Variants in PDE6B observed in about 807,000 individuals in gnomAD.
PDE6B encodes rod cGMP-specific 3',5'-cyclic phosphodiesterase subunit beta.
Under a neutral mutation model 109.0 loss-of-function variants are expected in PDE6B, and 106 were observed. The observed-to-expected ratio is 0.97, with a 90% CI of 0.83 to 1.14. The LOEUF is 1.14. PDE6B is among the 50% of genes most tolerant of loss of function. The pLI, the probability that PDE6B is intolerant of heterozygous loss-of-function variation, is 0.00. For synonymous variants in PDE6B, 490 were observed against 471.3 expected (o/e 1.04, Z -0.51); for missense variants, 1,193 against 1,155.6 (o/e 1.03, Z -0.47).
In PDE6B at chr4:662,565, C is replaced by A. The variant is rs769147926; in HGVS notation, c.1779C>A (p.Ala593=). 7.4e-6 allele frequency: 12 copies of A among 1,613,094 alleles called. No individual in the cohort carries two copies. The highest frequency in any genetic ancestry group is 1.3e-5 in the African/African-American group (1 of 75,064). Residue 593 remains alanine (A), a synonymous_variant, in exon 14 of 22, where the codon GCC becomes GCA. Transcript: ENST00000496514. The surrounding 1 kb of genome is among the most constrained non-coding windows in gnomAD (Gnocchi z 4.3). Reference sequence around the variant, plus strand: ...TGGAGGCCTTCGCCATGGTGACAGCCGGCCTGTGCCATGACATCGACCACC... The same window carrying A: ...TGGAGGCCTTCGCCATGGTGACAGCAGGCCTGTGCCATGACATCGACCACC... ...TDLEAFAMVT[A]GLCHDIDHRG...
chr4:645,249 C>T (rs1048362333), intron 3 of PDE6B, among the ~76,000 whole-genome samples: 10 of 150,936 alleles, frequency 6.6e-5, no homozygotes, highest in East Asian at 1.9e-4. Flanking sequence ...TCTTTTTATC[C>T]GCTCTGAAAA....
chr4:628,391 G>A (rs1734223085), intron 1 of PDE6B, among the ~76,000 whole-genome samples: 1 of 152,168 alleles, frequency 6.6e-6, no homozygotes, highest in Admixed American at 6.5e-5. Context: ...CTCAGACGGG[G>A]CGTGGGTGGC....
chr4:654,451 C>A, intron 5 of PDE6B: 1 of 609,342 alleles, frequency 1.6e-6, no homozygotes, highest in Non-Finnish European at 3.0e-6. Context: ...CTCCTGTGCA[C>A]GTGTAGGATG....
chr4:626,623 C>G lies in PDE6B; in HGVS notation c.468+529C>G, dbSNP rs753530079. On this transcript the variant is annotated intron_variant, in intron 1 of 21. Transcript: ENST00000496514. This position sits in a 1 kb window ranked among gnomAD's most constrained non-coding sequence, Gnocchi z 4.6. Reference sequence around the variant, plus strand: ...CAGAAGCAGCTTTATCCCATGGGAGCCCACGCCAGCCGCCAGGGGAGAACA... The same window carrying G: ...CAGAAGCAGCTTTATCCCATGGGAGGCCACGCCAGCCGCCAGGGGAGAACA... Among the ~76,000 whole-genome samples, 10 of 152,328 alleles carry G rather than the reference C, an allele frequency of 6.6e-5. No individual in the cohort carries two copies. The South Asian group carries it at 1.9e-3, about 28-fold the overall frequency.
Position 668,017 on chromosome 4 carries a change from G to A in PDE6B, c.2503+11G>A, listed in dbSNP as rs149346690. 1 of 1,609,736 alleles carries A rather than the reference G, an allele frequency of 6.2e-7. No individual in the cohort carries two copies. Among genetic ancestry groups the A allele is most frequent in the Non-Finnish European group, 8.5e-7 (1 of 1,178,542 alleles). ...TGGCAGCCAAGAAAGGTCTGGCTCTGTGTGGCCTGTGGGGCAGGGACTCGG... is the reference window on the plus strand; with the variant it reads ...TGGCAGCCAAGAAAGGTCTGGCTCTATGTGGCCTGTGGGGCAGGGACTCGG... On this transcript the variant is annotated intron_variant, in intron 21 of 21. Coordinates refer to ENST00000496514, the MANE Select transcript of PDE6B (RefSeq NM_000283.4).
rs1292526019 is a variant in PDE6B, at chr4:633,164, G to A, written c.469-1513G>A. Among the ~76,000 whole-genome samples, 2 of 151,854 alleles carry A rather than the reference G, an allele frequency of 1.3e-5. No homozygotes were observed. The highest frequency in any genetic ancestry group is 2.4e-5 in the African/African-American group (1 of 41,296). On this transcript the variant is annotated intron_variant, in intron 1 of 21. Transcript: ENST00000496514. The surrounding 1 kb of genome is among the most constrained non-coding windows in gnomAD (Gnocchi z 4.5). Reference sequence around the variant, plus strand: ...GACACAGGTGCAGAGATGAGCCCTCGGGGGACGCAGGTGCAGAGATGAGCC... The same window carrying A: ...GACACAGGTGCAGAGATGAGCCCTCAGGGGACGCAGGTGCAGAGATGAGCC...
At chr4:641,493 G>A (rs1734940949) in intron 3 of PDE6B, among the ~76,000 whole-genome samples, 1 of 152,212 alleles carries the variant, frequency 6.6e-6, no homozygotes, top group South Asian at 2.1e-4. Flanking sequence ...TGTCCAGGGG[G>A]CTCACCAAGT....
intron 3 of PDE6B, among the ~76,000 whole-genome samples, chr4:642,149 A>C (rs930381126): frequency 7.9e-5 from 12 of 152,156 alleles, no homozygotes; most frequent in Admixed American, 2.6e-4. Context: ...CAATCTTAGG[A>C]GAAAGCATCC....
At chr4:631,662 G>A (rs776724262) in intron 1 of PDE6B, among the ~76,000 whole-genome samples, 4 of 151,932 alleles carry the variant, frequency 2.6e-5, no homozygotes, top group African/African-American at 7.3e-5. Context: ...ATCACGTTGC[G>A]TGGATCCATG....
chr4:628,387 C>T (rs922365093), intron 1 of PDE6B, among the ~76,000 whole-genome samples: 7 of 152,194 alleles, frequency 4.6e-5, no homozygotes, highest in Admixed American at 2.6e-4. Flanking sequence ...GTCCCTCAGA[C>T]GGGGCGTGGG....
At chr4:644,305 T>C (rs1735096016) in intron 3 of PDE6B, among the ~76,000 whole-genome samples, 1 of 152,010 alleles carries the variant, frequency 6.6e-6, no homozygotes, top group Non-Finnish European at 1.5e-5. Context: ...TTTTCAGCTA[T>C]ATTTCTGTTA....
chr4:648,274 G>A lies in PDE6B; in HGVS notation c.712-5578G>A, dbSNP rs1437847361. Among the ~76,000 whole-genome samples, 3 of 152,024 alleles carry A rather than the reference G, an allele frequency of 2.0e-5. No homozygotes were observed. Among genetic ancestry groups the A allele is most frequent in the Admixed American group, 6.5e-5 (1 of 15,274 alleles). On this transcript the variant is annotated intron_variant, in intron 3 of 21. Transcript: ENST00000496514. The surrounding 1 kb of genome is among the most constrained non-coding windows in gnomAD (Gnocchi z 4.5). ...CCTTGTGTCTCCATGTGAGACTTTC[G>A]ATTTTGCACCAGACATTGCCCAGTC...
chr4:630,946 A>T (rs1734355858), intron 1 of PDE6B, among the ~76,000 whole-genome samples: 1 of 152,150 alleles, frequency 6.6e-6, no homozygotes, highest in Admixed American at 6.5e-5. Flanking sequence ...CGGCATAAGG[A>T]TGGTAACGGC....
At chr4:654,695 A>C in intron 5 of PDE6B, 129 bp from the exon 6 acceptor site, 2 of 779,904 alleles carry the variant, frequency 2.6e-6, no homozygotes, top group Non-Finnish European at 4.8e-6. Context: ...GTGTGTACAC[A>C]TGCACGGTTA....
intron 6 of PDE6B, chr4:655,643 CT>C (rs1560121077): frequency 3.9e-6 from 2 of 513,336 alleles, no homozygotes; most frequent in East Asian, 3.6e-5. Context: ...CCTGAACCCC[CT>C]GGCACTCAGA....
At chr4:653,592 C>A in intron 3 of PDE6B, 2 of 580,198 alleles carry the variant, frequency 3.4e-6, no homozygotes, top group Non-Finnish European at 6.2e-6. Flanking sequence ...TTCCACTTTC[C>A]ACTCGTCCAC....
intron 3 of PDE6B, chr4:652,605 T>A: frequency 2.1e-6 from 1 of 479,632 alleles, no homozygotes; most frequent in Non-Finnish European, 2.7e-6. Flanking sequence ...AGTTTTAAAT[T>A]AAAAATAAGA....
chr4:659,093 G>A (rs1736718113), intron 11 of PDE6B, 76 bp downstream of exon 11: 8 of 1,068,020 alleles, frequency 7.5e-6, no homozygotes, highest in South Asian at 5.0e-5. Flanking sequence ...TGCATTCTCC[G>A]GGACCCGACG....
chr4:639,167 C>G (rs1734830615), intron 3 of PDE6B, among the ~76,000 whole-genome samples: 1 of 150,972 alleles, frequency 6.6e-6, no homozygotes. Context: ...TTTCTTGAGA[C>G]AAGGCCTCAC....
Sources: gnomAD v4.1 joint callset for allele counts (sites outside exome capture counted in the v4.1 genomes callset) on GRCh38, gnomAD v4.1.1 for gene constraint, Gnocchi (gnomAD v3.1) non-coding constraint, MANE v1.5 for transcripts, NCBI Gene and HGNC (gene_info 2026-07-23, HGNC 2026-07-21) for gene names.